Variants in VPS13D observed in about 807,000 individuals in gnomAD.
The protein encoded by VPS13D is vacuolar protein sorting 13 homolog D.
Under a neutral mutation model 461.9 loss-of-function variants are expected in VPS13D, and 187 were observed. That is an observed-to-expected ratio of 0.40 (90% CI 0.36 to 0.46). The LOEUF is 0.46. Among genes scored for constraint, VPS13D ranks in the 20% least tolerant of loss-of-function variants. The pLI, the probability that VPS13D is intolerant of heterozygous loss-of-function variation, is 0.60. For missense variants in VPS13D, 4,711 were observed against 5,364.9 expected (o/e 0.88, Z 3.81); for synonymous variants, 1,951 against 1,986.3 (o/e 0.98, Z 0.47).
intron 52 of VPS13D, 50 bp from the exon 53 acceptor site, chr1:12,368,417 CA>C: frequency 1.3e-6 from 2 of 1,550,612 alleles, no homozygotes. Context: ...AAGTGGATGG[CA>C]TCTTGTCTCC....
rs752002665 is a variant in VPS13D, at chr1:12,278,000, C to A, written c.4412C>A (p.Thr1471Lys). Residue 1471 changes from threonine (T) to lysine (K), a missense_variant, in exon 19 of 70, where the codon ACA becomes AAA. By Grantham distance (78) the Thr-to-Lys change is moderately conservative. Coordinates refer to ENST00000620676, the MANE Select transcript of VPS13D (RefSeq NM_015378.4). ...SANSQEEAHF[T>K]RHDFFESLHR... ...AACAGTCAGGAGGAAGCTCATTTCACACGACATGATTTCTTTGAATCTTTG... is the reference window on the plus strand; with the variant it reads ...AACAGTCAGGAGGAAGCTCATTTCAAACGACATGATTTCTTTGAATCTTTG... The A allele has an allele frequency of 6.2e-7, 1 of 1,613,936 alleles. No individual in the cohort carries two copies. Among genetic ancestry groups the A allele is most frequent in the African/African-American group, 1.3e-5 (1 of 74,934 alleles).
intron 41 of VPS13D, 160 bp from the exon 42 acceptor site, chr1:12,342,739 T>C: frequency 1.4e-6 from 1 of 710,018 alleles, no homozygotes; most frequent in South Asian, 3.6e-5. Flanking sequence ...AAGATAGCTA[T>C]AGTTAGCGAC....
In VPS13D at chr1:12,379,581, T is replaced by G; in HGVS notation, c.11175T>G (p.His3725Gln). 1 of 1,613,380 alleles carries G rather than the reference T, an allele frequency of 6.2e-7. No homozygotes were observed. ...FREGKLTCGL[H>Q]GLVVQAKGGL... ...AAGGAAAACTGACCTGTGGGTTACATGGGTTGGTCGTCCAGGTCAGTCGTT... is the reference window on the plus strand; with the variant it reads ...AAGGAAAACTGACCTGTGGGTTACAGGGGTTGGTCGTCCAGGTCAGTCGTT... Residue 3725 changes from histidine (H) to glutamine (Q), a missense_variant, in exon 57 of 70, where the codon CAT (histidine) becomes CAG (glutamine). Transcript: ENST00000620676.
rs762409587 is a variant in VPS13D, at chr1:12,383,184, A to G, written c.11370+29A>G. On this transcript the variant is annotated intron_variant, in intron 58 of 69. Transcript: ENST00000620676. ...ATAATTTGTCATAAGAGCTGATGTGAAACTCTGTACTTCCTCCACCCCCAA... is the reference window on the plus strand; with the variant it reads ...ATAATTTGTCATAAGAGCTGATGTGGAACTCTGTACTTCCTCCACCCCCAA... The G allele has an allele frequency of 1.9e-6, 3 of 1,590,576 alleles. No individual in the cohort carries two copies. In the African/African-American group the frequency reaches 4.1e-5, roughly 22 times the overall value.
Position 12,386,302 on chromosome 1 carries a change from C to T in VPS13D, c.11602C>T (p.His3868Tyr), listed in dbSNP as rs751312236. Reference sequence around the variant, plus strand: ...GCACTATACACAGCTGGCAACCAGTCACATGCTTGAACTCAGCATACAGGA... The same window carrying T: ...GCACTATACACAGCTGGCAACCAGTTACATGCTTGAACTCAGCATACAGGA... ...NVHYTQLATS[H>Y]MLELSIQDVQ... The change falls in exon 60 of 70, where the codon CAC (histidine) becomes TAC (tyrosine). Residue 3868 changes from histidine (H) to tyrosine (Y), a missense_variant. Physicochemically the swap from His to Tyr is moderately conservative, Grantham distance 83 (BLOSUM62 2). This residue lies in a region of VPS13D where 4,411 missense variants were observed against 4,937.8 expected (regional missense o/e 0.89). Transcript: ENST00000620676. 1.9e-6 allele frequency: 3 copies of T among 1,611,762 alleles called. No homozygotes were observed. The highest frequency in any genetic ancestry group is 2.5e-6 in the Non-Finnish European group (3 of 1,179,126).
rs765831536 is a variant in VPS13D at position 12,271,065 on chromosome 1, A to T, written c.2044A>T (p.Met682Leu). Residue 682 changes from methionine to leucine, a missense_variant, in exon 17 of 70, where the codon ATG (methionine) becomes TTG (leucine). By Grantham distance (15) the Met-to-Leu change is conservative (BLOSUM62 2). Transcript: ENST00000620676. ...AARRQYNKLK[M>L]QTKAEIRQTL... ...CCGAAGACAATATAACAAGCTGAAG[A>T]TGCAGACCAAGGCAGAAATCCGGCA... is the stretch of plus-strand genomic sequence containing the variant. The T allele has an allele frequency of 1.1e-5, 17 of 1,614,030 alleles. No homozygotes were observed. The highest frequency in any genetic ancestry group is 1.4e-5 in the Non-Finnish European group (16 of 1,179,952).
chr1:12,496,408 T>C (rs910016854), intron 67 of VPS13D, among the ~76,000 whole-genome samples: 1 of 152,220 alleles, frequency 6.6e-6, no homozygotes, highest in African/African-American at 2.4e-5. Context: ...TCTGGGGTTG[T>C]TTCTGTCCAT....
intron 2 of VPS13D, among the ~76,000 whole-genome samples, chr1:12,235,251 A>C (rs1170744056): frequency 6.6e-6 from 1 of 152,152 alleles, no homozygotes; most frequent in African/African-American, 2.4e-5. Flanking sequence ...TAGTCTGAGA[A>C]TAGAGTACCG....
At chr1:12,421,991 C>T (rs559870834) in intron 65 of VPS13D, among the ~76,000 whole-genome samples, 5 of 152,192 alleles carry the variant, frequency 3.3e-5, no homozygotes, top group Non-Finnish European at 7.4e-5. Context: ...CCACCATGCT[C>T]GACTAATTTG....
At chr1:12,243,706 C>T (rs552822994) in intron 3 of VPS13D, among the ~76,000 whole-genome samples, 29 of 152,218 alleles carry the variant, frequency 1.9e-4, no homozygotes, top group Non-Finnish European at 3.1e-4. Context: ...ACAATTCTAC[C>T]GAGCCGTTTG....
At chr1:12,345,276 T>C in intron 42 of VPS13D, 98 bp from the exon 43 acceptor site, 1 of 1,414,898 alleles carries the variant, frequency 7.1e-7, no homozygotes, top group African/African-American at 1.4e-5. Flanking sequence ...ACTGGGTTTT[T>C]ACATCATATG....
intron 68 of VPS13D, among the ~76,000 whole-genome samples, chr1:12,500,915 A>G (rs919569689): frequency 6.6e-6 from 1 of 151,682 alleles, no homozygotes; most frequent in African/African-American, 2.4e-5. Flanking sequence ...TTAGCCGGGC[A>G]TGGTGGCACA....
chr1:12,329,747 AATGTTTCTTTAATGTC>A, intron 36 of VPS13D, 66 bp from the exon 37 acceptor site: 1 of 965,132 alleles, frequency 1.0e-6, no homozygotes, highest in Non-Finnish European at 1.6e-6. Flanking sequence ...TATTAGCTCT[AATGTTTCTTTAATGTC>A]ATCAGCAAAA....
At chr1:12,501,947 G>A (rs541517257) in intron 68 of VPS13D, among the ~76,000 whole-genome samples, 2 of 152,298 alleles carry the variant, frequency 1.3e-5, no homozygotes, top group East Asian at 3.9e-4. Context: ...CGGGACAGAA[G>A]AGCTCACGGC....
intron 21 of VPS13D, among the ~76,000 whole-genome samples, chr1:12,287,864 T>C (rs1372731362): frequency 2.0e-5 from 3 of 152,208 alleles, no homozygotes; most frequent in Non-Finnish European, 4.4e-5. Flanking sequence ...GAAAAATTTA[T>C]CAAAATGAGA....
intron 25 of VPS13D, among the ~76,000 whole-genome samples, chr1:12,303,451 C>T (rs866539616): frequency 6.6e-5 from 10 of 152,058 alleles, no homozygotes; most frequent in Admixed American, 5.2e-4. Context: ...AATGAAAGGG[C>T]AACAAACACT....
chr1:12,255,486 C>T (rs988458039), intron 7 of VPS13D, among the ~76,000 whole-genome samples: 2 of 151,596 alleles, frequency 1.3e-5, no homozygotes, highest in African/African-American at 2.4e-5. Flanking sequence ...AAGCTGATGT[C>T]GTTGGTTGCC....
chr1:12,310,055 G>C (rs1642689512), intron 27 of VPS13D, among the ~76,000 whole-genome samples: 1 of 151,244 alleles, frequency 6.6e-6, no homozygotes, highest in Non-Finnish European at 1.5e-5. Flanking sequence ...TCGTTATTTA[G>C]AAATTGAACA....
intron 21 of VPS13D, among the ~76,000 whole-genome samples, chr1:12,283,993 T>C (rs748744456): frequency 1.6e-4 from 24 of 152,208 alleles, no homozygotes; most frequent in Non-Finnish European, 2.8e-4. Context: ...TCAGTGGAGT[T>C]ACTTTGCTTC....
Sources: gnomAD v4.1 joint callset for allele counts (sites outside exome capture counted in the v4.1 genomes callset) on GRCh38, gnomAD v4.1.1 for gene constraint, gnomAD v4.1.1 regional missense constraint, MANE v1.5 for transcripts, NCBI Gene and HGNC (gene_info 2026-07-23, HGNC 2026-07-21) for gene names.